FAT3: variants seen among roughly 807,000 people sequenced by gnomAD.
The protein encoded by FAT3 is protocadherin Fat 3.
A neutral mutation model predicts 310.2 loss-of-function variants in FAT3; 95 were observed. That is an observed-to-expected ratio of 0.31 (90% CI 0.26 to 0.36). The LOEUF is 0.36. FAT3 is among the 10% of genes least tolerant of loss of function. The pLI is 1.00. For missense variants in FAT3, 5,408 were observed against 5,715.6 expected (o/e 0.95, Z 1.74); for synonymous variants, 2,314 against 2,192.9 (o/e 1.06, Z -1.54).
chr11:92,848,823 T>C (rs564535016), intron 19 of FAT3, among the ~76,000 whole-genome samples: 1 of 152,158 alleles, frequency 6.6e-6, no homozygotes, highest in African/African-American at 2.4e-5. Flanking sequence ...TTGCTCAGTG[T>C]ATAAAGAGGA....
chr11:92,501,588 T>G (rs1435493817), intron 2 of FAT3, among the ~76,000 whole-genome samples: 2 of 151,950 alleles, frequency 1.3e-5, no homozygotes, highest in Non-Finnish European at 2.9e-5. Flanking sequence ...GTGTGGGAAG[T>G]GCGTGTGTGT....
chr11:92,350,353 GA>G (rs35514749), intron 1 of FAT3, among the ~76,000 whole-genome samples: 27,708 of 150,178 alleles, frequency 0.18, 2,822 homozygotes, highest in African/African-American at 0.28. Context: ...CTCCTGTAGG[GA>G]TTTTTTTTTT....
At chr11:92,309,883 G>A (rs141108986) in intron 1 of FAT3, among the ~76,000 whole-genome samples, 95 of 152,172 alleles carry the variant, frequency 6.2e-4, no homozygotes, top group Non-Finnish European at 1.1e-3. Context: ...TCTTTCTAAG[G>A]CTTCCAACTA....
chr11:92,682,752 G>A (rs1352872865), intron 3 of FAT3, among the ~76,000 whole-genome samples: 1 of 152,164 alleles, frequency 6.6e-6, no homozygotes, highest in Non-Finnish European at 1.5e-5. Context: ...GTTCTGAGAG[G>A]AGGACAAGGG....
chr11:92,514,110 T>C (rs1168589811), intron 2 of FAT3, among the ~76,000 whole-genome samples: 3 of 152,214 alleles, frequency 2.0e-5, no homozygotes, highest in Non-Finnish European at 4.4e-5. Context: ...TTCTAATACT[T>C]GTTTGTGAAT....
chr11:92,770,720 G>A (rs1946435794), intron 6 of FAT3, among the ~76,000 whole-genome samples: 1 of 152,170 alleles, frequency 6.6e-6, no homozygotes, highest in African/African-American at 2.4e-5. Context: ...AGGGGAAGCT[G>A]TGTGATTCTC....
intron 13 of FAT3, among the ~76,000 whole-genome samples, chr11:92,814,075 T>C (rs1276388939): frequency 6.6e-6 from 1 of 152,208 alleles, no homozygotes; most frequent in Non-Finnish European, 1.5e-5. Context: ...AAATAGAACG[T>C]GCCCCCACCA....
intron 4 of FAT3, among the ~76,000 whole-genome samples, chr11:92,705,574 G>GAC (rs1565527095): frequency 1.7e-4 from 2 of 12,000 alleles, no homozygotes; most frequent in Non-Finnish European, 3.6e-4. Context: ...TGGTGGTGGT[G>GAC]GTGATGGTGG....
At chr11:92,534,798 G>C (rs1954198091) in intron 3 of FAT3, among the ~76,000 whole-genome samples, 1 of 152,234 alleles carries the variant, frequency 6.6e-6, no homozygotes, top group Admixed American at 6.5e-5. Context: ...AGGCTAACAA[G>C]AGAAAAACAT....
chr11:92,331,226 G>T (rs932917993), intron 1 of FAT3, among the ~76,000 whole-genome samples: 14 of 151,652 alleles, frequency 9.2e-5, no homozygotes, highest in African/African-American at 3.4e-4. Context: ...GCACAGTTAA[G>T]TATTGTCTGT....
intron 1 of FAT3, among the ~76,000 whole-genome samples, chr11:92,337,731 G>C (rs1948128100): frequency 6.6e-6 from 1 of 152,180 alleles, no homozygotes. Context: ...GCACTTGACG[G>C]AAAGTAGTTC....
chr11:92,591,114 G>A (rs1939403382), intron 3 of FAT3, among the ~76,000 whole-genome samples: 1 of 152,128 alleles, frequency 6.6e-6, no homozygotes, highest in Admixed American at 6.6e-5. Context: ...AGGACTCTTT[G>A]AAATAATTCT....
intron 2 of FAT3, among the ~76,000 whole-genome samples, chr11:92,471,279 G>A (rs961128063): frequency 6.6e-6 from 1 of 152,052 alleles, no homozygotes; most frequent in African/African-American, 2.4e-5. Flanking sequence ...ATCTTTAAGG[G>A]TCTTAATACA....
intron 2 of FAT3, among the ~76,000 whole-genome samples, chr11:92,438,002 A>C (rs949670435): frequency 2.6e-5 from 4 of 152,164 alleles, no homozygotes; most frequent in African/African-American, 9.7e-5. Flanking sequence ...TTAAAAGTGG[A>C]TGTATGGAAG....
chr11:92,674,797 A>G (rs562260753), intron 3 of FAT3, among the ~76,000 whole-genome samples: 107 of 152,252 alleles, frequency 7.0e-4, no homozygotes, highest in Admixed American at 3.4e-3. Context: ...CCAAAGTGCT[A>G]GGATTACAGG....
chr11:92,382,229 T>A (rs1204262366), intron 2 of FAT3, among the ~76,000 whole-genome samples: 3 of 152,188 alleles, frequency 2.0e-5, no homozygotes, highest in Non-Finnish European at 4.4e-5. Context: ...ATTTGAAAGT[T>A]GCGTGAGTCT....
intron 19 of FAT3, among the ~76,000 whole-genome samples, chr11:92,849,395 T>G (rs574667846): frequency 1.3e-5 from 2 of 152,160 alleles, no homozygotes; most frequent in South Asian, 4.1e-4. Context: ...TGAGATGATC[T>G]TCTGCCTTAT....
At chr11:92,291,608 A>G (rs905089501) in intron 1 of FAT3, among the ~76,000 whole-genome samples, 2 of 150,698 alleles carry the variant, frequency 1.3e-5, no homozygotes, top group Admixed American at 1.3e-4. Flanking sequence ...GTCTAAATAC[A>G]CATTGTATTC....
intron 3 of FAT3, among the ~76,000 whole-genome samples, chr11:92,598,779 A>G (rs533008756): frequency 6.6e-6 from 1 of 152,286 alleles, no homozygotes; most frequent in South Asian, 2.1e-4. Flanking sequence ...ACTGGATATC[A>G]TTGGTCAGGT....
Sources: gnomAD v4.1 joint callset for allele counts (sites outside exome capture counted in the v4.1 genomes callset) on GRCh38, gnomAD v4.1.1 for gene constraint, MANE v1.5 for transcripts, NCBI Gene and HGNC (gene_info 2026-07-23, HGNC 2026-07-21) for gene names.